Variants in DACH2 observed in about 807,000 individuals in gnomAD.
DACH2 encodes dachshund family transcription factor 2.
A neutral mutation model predicts 35.8 loss-of-function variants in DACH2; 17 were observed. The ratio of observed to expected loss-of-function variants is 0.48; its 90% confidence interval spans 0.33 to 0.71. The LOEUF is 0.71. DACH2 is among the 30% of genes least tolerant of loss of function. DACH2 has a pLI of 0.02. For missense variants in DACH2, 469 were observed against 472.7 expected, an observed-to-expected ratio of 0.99 and a Z score of 0.07; for synonymous variants, 195 against 177.3, an observed-to-expected ratio of 1.10 and a Z score of -0.79.
chrX:86,449,456 T>C (rs1219185428), intron 2 of DACH2, among the ~76,000 whole-genome samples: 2 of 111,638 alleles, frequency 1.8e-5, no homozygotes, highest in East Asian at 5.6e-4. Context: ...ACTCTATATC[T>C]TTTAAGTGGA....
chrX:86,528,762 G>T (rs763712628), intron 3 of DACH2, among the ~76,000 whole-genome samples: 2 of 111,604 alleles, frequency 1.8e-5, no homozygotes, highest in South Asian at 7.5e-4. Flanking sequence ...TAAAAATTGG[G>T]ACCCAGGCTA....
chrX:86,527,687 G>A (rs999474251), intron 3 of DACH2, among the ~76,000 whole-genome samples: 27 of 111,966 alleles, frequency 2.4e-4, no homozygotes, highest in African/African-American at 8.4e-4. Context: ...GTGTGGAAAT[G>A]TTTTCATTTA....
At chrX:86,540,992 G>A (rs2038872693) in intron 3 of DACH2, among the ~76,000 whole-genome samples, 1 of 111,534 alleles carries the variant, frequency 9.0e-6, no homozygotes. Context: ...CTGAGGGACA[G>A]AAATATTCAT....
intron 3 of DACH2, among the ~76,000 whole-genome samples, chrX:86,611,517 T>C (rs1159248765): frequency 9.0e-6 from 1 of 111,196 alleles, no homozygotes; most frequent in Non-Finnish European, 1.9e-5. Context: ...TGGCCTAGGC[T>C]TCCTTTCAAG....
intron 7 of DACH2, among the ~76,000 whole-genome samples, chrX:86,756,142 C>T (rs150441761): frequency 0.067 from 7,421 of 110,825 alleles, 593 homozygotes; most frequent in African/African-American, 0.23. Context: ...CTACTATAGC[C>T]TTGTAATATA....
intron 4 of DACH2, among the ~76,000 whole-genome samples, chrX:86,692,372 G>A (rs188268883): frequency 1.9e-5 from 2 of 107,118 alleles, no homozygotes; most frequent in Admixed American, 1.0e-4. Context: ...CCCTCCACCC[G>A]CCCCACCTTT....
chrX:86,294,951 A>G (rs2148004993), intron 1 of DACH2, among the ~76,000 whole-genome samples: 1 of 111,748 alleles, frequency 8.9e-6, no homozygotes, highest in Non-Finnish European at 1.9e-5. Context: ...GGCTCCACCC[A>G]GTTCGAGCTT....
chrX:86,544,052 A>G (rs2038925002), intron 3 of DACH2, among the ~76,000 whole-genome samples: 1 of 111,699 alleles, frequency 9.0e-6, no homozygotes, highest in East Asian at 2.8e-4. Flanking sequence ...ATACTCTCAG[A>G]GCTCAAAGAA....
At chrX:86,364,249 C>T (rs1323720156) in intron 1 of DACH2, among the ~76,000 whole-genome samples, 2 of 111,557 alleles carry the variant, frequency 1.8e-5, no homozygotes, top group Non-Finnish European at 1.9e-5. Flanking sequence ...TTTCATACTA[C>T]GAATGCATCT....
chrX:86,163,291 C>T (rs1225054610), intron 1 of DACH2, among the ~76,000 whole-genome samples: 1 of 111,360 alleles, frequency 9.0e-6, no homozygotes, highest in Non-Finnish European at 1.9e-5. Context: ...TAAGTGAGAA[C>T]ATGTGATGTG....
At chrX:86,527,827 A>G (rs1346678409) in intron 3 of DACH2, among the ~76,000 whole-genome samples, 1 of 111,976 alleles carries the variant, frequency 8.9e-6, no homozygotes, top group Non-Finnish European at 1.9e-5. Flanking sequence ...ATGGTTGTTC[A>G]TATCATTGCC....
intron 2 of DACH2, among the ~76,000 whole-genome samples, chrX:86,409,543 C>T (rs2036577947): frequency 9.0e-6 from 1 of 110,540 alleles, no homozygotes; most frequent in South Asian, 3.9e-4. Context: ...GGAACCTTCC[C>T]CTTCTCTCTC....
chrX:86,513,717 T>C (rs746899836), intron 2 of DACH2, among the ~76,000 whole-genome samples: 46 of 112,227 alleles, frequency 4.1e-4, no homozygotes, highest in African/African-American at 1.5e-3. Flanking sequence ...CTGCTTGTTA[T>C]ACAGCTTGGT....
intron 2 of DACH2, among the ~76,000 whole-genome samples, chrX:86,404,162 C>A (rs1483125889): frequency 9.1e-6 from 1 of 110,259 alleles, no homozygotes; most frequent in African/African-American, 3.3e-5. Flanking sequence ...ACCATATCAT[C>A]CCACCCCTGG....
At chrX:86,823,726 A>G (rs1432046733) in intron 11 of DACH2, among the ~76,000 whole-genome samples, 1 of 111,929 alleles carries the variant, frequency 8.9e-6, no homozygotes, top group Non-Finnish European at 1.9e-5. Context: ...GAGTAATTTT[A>G]CAGCTGGGCC....
At chrX:86,756,599 T>G (rs2147278160) in intron 7 of DACH2, among the ~76,000 whole-genome samples, 1 of 111,432 alleles carries the variant, frequency 9.0e-6, no homozygotes, top group African/African-American at 3.3e-5. Context: ...TCCTGCAAAT[T>G]TACTTAATTT....
At chrX:86,180,176 G>A (rs867493091) in intron 1 of DACH2, among the ~76,000 whole-genome samples, 926 of 42,832 alleles carry the variant, frequency 0.022, 41 homozygotes, top group African/African-American at 0.068. Flanking sequence ...ATGCTAAACC[G>A]TATATATATA....
chrX:86,455,439 T>C (rs1210598900), intron 2 of DACH2, among the ~76,000 whole-genome samples: 1 of 111,574 alleles, frequency 9.0e-6, no homozygotes, highest in East Asian at 2.8e-4. Context: ...CGAAACTCTG[T>C]CCCAGGGAGA....
At chrX:86,777,480 A>G (rs1270573902) in intron 7 of DACH2, among the ~76,000 whole-genome samples, 1 of 111,596 alleles carries the variant, frequency 9.0e-6, no homozygotes, top group Non-Finnish European at 1.9e-5. Flanking sequence ...TTATTGGAAG[A>G]CACACTTCCT....
Sources: allele counts gnomAD v4.1 joint callset (sites outside exome capture counted in the v4.1 genomes callset), GRCh38; gene constraint gnomAD v4.1.1; transcripts MANE v1.5; gene names NCBI Gene and HGNC (gene_info 2026-07-23, HGNC 2026-07-21).